NCKAP5: variants seen among roughly 807,000 people sequenced by gnomAD.
NCKAP5 encodes the protein NCK associated protein 5, also known as nck-associated protein 5.
Under a neutral mutation model 167.0 loss-of-function variants are expected in NCKAP5, and 92 were observed. The ratio of observed to expected loss-of-function variants is 0.55; its 90% CI spans 0.47 to 0.66. The LOEUF (loss-of-function observed/expected upper bound fraction) is 0.66. Ranked by LOEUF, NCKAP5 falls within the 30% of genes least tolerant of loss-of-function variation. The probability of loss-of-function intolerance (pLI) is 0.00; values close to 1 mark genes in which losing one functional copy is unlikely to be tolerated. For missense variants in NCKAP5, 2,378 were observed against 2,315.0 expected (o/e 1.03, Z -0.56); for synonymous variants, 891 against 877.4 (o/e 1.02, Z -0.27).
chr2:132,788,012 G>A (rs137928379), intron 13 of NCKAP5, among the ~76,000 whole-genome samples: 127 of 152,284 alleles, frequency 8.3e-4, no homozygotes, highest in African/African-American at 9.6e-4. Context: ...AAACCTCCCA[G>A]GGCCCAGGCT....
intron 6 of NCKAP5, among the ~76,000 whole-genome samples, chr2:133,072,749 A>C (rs1299894795): frequency 6.6e-6 from 1 of 152,178 alleles, no homozygotes; most frequent in East Asian, 1.9e-4. Context: ...TCCAATCAAA[A>C]ATTTTTGCTT....
intron 4 of NCKAP5, among the ~76,000 whole-genome samples, chr2:133,282,557 T>A (rs1337745485): frequency 6.6e-6 from 1 of 152,162 alleles, no homozygotes; most frequent in African/African-American, 2.4e-5. Flanking sequence ...TTTTGTAATA[T>A]GAAGGCCAGA....
chr2:133,541,923 T>C (rs1322923358), intron 2 of NCKAP5, among the ~76,000 whole-genome samples: 1 of 152,102 alleles, frequency 6.6e-6, no homozygotes, highest in African/African-American at 2.4e-5. Flanking sequence ...CAAAACAGTT[T>C]CTCCCATGAA....
At chr2:133,422,611 G>C (rs1475972705) in intron 3 of NCKAP5, among the ~76,000 whole-genome samples, 2 of 152,160 alleles carry the variant, frequency 1.3e-5, no homozygotes, top group African/African-American at 2.4e-5. Context: ...AAACAGGCTT[G>C]GCCAAAGGTA....
chr2:132,988,655 C>G (rs922559804), intron 7 of NCKAP5, among the ~76,000 whole-genome samples: 1 of 152,160 alleles, frequency 6.6e-6, no homozygotes, highest in Non-Finnish European at 1.5e-5. Flanking sequence ...CCATAGGCCC[C>G]ACCAGTCCCT....
At chr2:133,322,864 AT>A (rs1180273408) in intron 3 of NCKAP5, among the ~76,000 whole-genome samples, 4 of 152,316 alleles carry the variant, frequency 2.6e-5, no homozygotes, top group Non-Finnish European at 4.4e-5. Context: ...ACCCCCAAGA[AT>A]TTCTGATTCA....
chr2:132,916,883 A>C (rs1275177446), intron 8 of NCKAP5, among the ~76,000 whole-genome samples: 1 of 150,908 alleles, frequency 6.6e-6, no homozygotes, highest in Non-Finnish European at 1.5e-5. Flanking sequence ...GTAGGTTAGC[A>C]TGTGGCTGCC....
chr2:133,252,516 A>T (rs2088397551), intron 4 of NCKAP5, among the ~76,000 whole-genome samples: 1 of 152,172 alleles, frequency 6.6e-6, no homozygotes, highest in Non-Finnish European at 1.5e-5. Context: ...CAGCACAGGG[A>T]CTGTCAGATC....
chr2:132,744,617 A>G (rs1254458875), intron 16 of NCKAP5, among the ~76,000 whole-genome samples: 2 of 147,074 alleles, frequency 1.4e-5, no homozygotes, highest in Non-Finnish European at 3.0e-5. Context: ...TAAAAATGAG[A>G]GCTGAAATTA....
chr2:132,796,542 A>C (rs1441944633), intron 12 of NCKAP5, 86 bp downstream of exon 12: 1 of 853,748 alleles, frequency 1.2e-6, no homozygotes, highest in Non-Finnish European at 1.9e-6. Context: ...TCAAGGATGC[A>C]CTTTATGGTT....
chr2:132,764,951 G>C (rs963117665), intron 16 of NCKAP5, among the ~76,000 whole-genome samples: 1 of 152,066 alleles, frequency 6.6e-6, no homozygotes, highest in East Asian at 1.9e-4. Context: ...TAATATTCTT[G>C]AAATGAGACA....
intron 4 of NCKAP5, among the ~76,000 whole-genome samples, chr2:133,226,605 A>ACACACACACACT (rs1491228106): frequency 8.0e-4 from 6 of 7,456 alleles, no homozygotes; most frequent in African/African-American, 3.7e-3. Context: ...TTGAAGATAA[A>ACACACACACACT]CACACACACA....
At chr2:133,423,762 A>G (rs1689624716) in intron 3 of NCKAP5, among the ~76,000 whole-genome samples, 1 of 152,226 alleles carries the variant, frequency 6.6e-6, no homozygotes, top group Admixed American at 6.5e-5. Context: ...CATGGAAAAT[A>G]ACTAGCAAAT....
intron 5 of NCKAP5, among the ~76,000 whole-genome samples, chr2:133,133,994 G>C (rs1023536020): frequency 6.6e-6 from 1 of 152,192 alleles, no homozygotes; most frequent in African/African-American, 2.4e-5. Flanking sequence ...CAATGCAACT[G>C]ATATGTTGTG....
intron 3 of NCKAP5, among the ~76,000 whole-genome samples, chr2:133,474,884 C>T (rs1663498682): frequency 1.3e-5 from 2 of 152,024 alleles, no homozygotes; most frequent in Admixed American, 1.3e-4. Flanking sequence ...AATCTCGGCT[C>T]ACTGCAACCT....
At chr2:132,842,987 G>GTAT in intron 11 of NCKAP5, among the ~76,000 whole-genome samples, 1 of 152,116 alleles carries the variant, frequency 6.6e-6, no homozygotes, top group East Asian at 1.9e-4. Flanking sequence ...TTTCTGGAGT[G>GTAT]TATTTTATAA....
intron 11 of NCKAP5, among the ~76,000 whole-genome samples, chr2:132,830,789 T>C (rs1687466567): frequency 6.6e-6 from 1 of 152,256 alleles, no homozygotes; most frequent in Admixed American, 6.5e-5. Flanking sequence ...TAGCATTTCA[T>C]GGTCTTTTAA....
Position 132,783,512 on chromosome 2 carries a change from G to A in NCKAP5, c.3299C>T (p.Pro1100Leu), listed in dbSNP as rs752711460. The A allele has an allele frequency of 3.1e-6, 5 of 1,612,496 alleles. No homozygotes were observed. Among genetic ancestry groups the A allele is most frequent in the African/African-American group, 2.7e-5 (2 of 74,876 alleles). ...ATTTACCCCTAAGAAGGAAGGCTTG[G>A]GGGGTGTGGAGGCGCTATCATTCAA... The part of the protein sequence containing the change: ...GQLNDSASTP[P>L]KPSFLGVNES... Residue 1100 changes from proline (P) to leucine (L), a missense_variant, in exon 14 of 20, where the codon CCC (proline) becomes CTC (leucine). Transcript: ENST00000409261.
At position 132,796,647 on chromosome 2, in the gene NCKAP5, C is replaced by G. The variant is rs377536203; in HGVS notation, c.890G>C (p.Arg297Pro). 19 of 1,612,770 alleles carry G rather than the reference C, an allele frequency of 1.2e-5. 1 individual carries two copies. The African/African-American group carries it at 2.4e-4, about 20-fold the overall frequency. Residue 297 changes from arginine to proline, a missense_variant, in exon 12 of 20, where the codon CGA becomes CCA. By Grantham distance (103) the Arg-to-Pro change is moderately radical (BLOSUM62 -2). This residue lies in a region of NCKAP5 where 1,049 missense variants were observed against 1,023.4 expected (regional missense o/e 1.02). Coordinates refer to ENST00000409261, the MANE Select transcript of NCKAP5 (RefSeq NM_207363.3). ...VERNRSLTQS[R>P]TDAEVHEHQL... ...ACTCACGTGCACCTCAGCATCAGTT[C>G]GTGACTGTGTCAGACTTCGGTTTCT...
Sources: allele counts gnomAD v4.1 joint callset (sites outside exome capture counted in the v4.1 genomes callset), GRCh38; gene constraint gnomAD v4.1.1; regional missense constraint gnomAD v4.1.1; transcripts MANE v1.5; gene names NCBI Gene and HGNC (gene_info 2026-07-23, HGNC 2026-07-21).